Variants in ST7 observed in about 807,000 individuals in gnomAD.
The protein encoded by ST7 is suppressor of tumorigenicity 7 protein.
In ST7, 28 loss-of-function variants were observed where a neutral mutation model predicts 78.7. The ratio of observed to expected loss-of-function variants is 0.36; its 90% CI spans 0.26 to 0.49. ST7 has a LOEUF of 0.49. Among genes scored for constraint, ST7 ranks in the 20% least tolerant of loss-of-function variants. The pLI, the probability that ST7 is intolerant of heterozygous loss-of-function variation, is 0.99. For synonymous variants in ST7, 247 were observed against 249.6 expected, an observed-to-expected ratio of 0.99 and a Z score of 0.10; for missense variants, 418 against 696.0, an observed-to-expected ratio of 0.60 and a Z score of 4.49.
chr7:117,135,593 A>G (rs548209316), intron 7 of ST7, among the ~76,000 whole-genome samples: 1 of 152,114 alleles, frequency 6.6e-6, no homozygotes, highest in Non-Finnish European at 1.5e-5. Context: ...TTTAGTTAAC[A>G]GAAGTAAACC....
intron 1 of ST7, among the ~76,000 whole-genome samples, chr7:116,988,492 A>G (rs1794280194): frequency 2.0e-5 from 3 of 152,186 alleles, no homozygotes; most frequent in African/African-American, 7.2e-5. Context: ...TACAGATTTC[A>G]TAGTCATTTA....
At chr7:117,210,192 A>G (rs1055725970) in intron 13 of ST7, among the ~76,000 whole-genome samples, 1 of 152,172 alleles carries the variant, frequency 6.6e-6, no homozygotes, top group African/African-American at 2.4e-5. Context: ...TGTTCTTCAA[A>G]GGGGCACCTT....
chr7:116,989,149 T>C (rs1221495080), intron 1 of ST7, among the ~76,000 whole-genome samples: 3 of 152,230 alleles, frequency 2.0e-5, no homozygotes, highest in Non-Finnish European at 4.4e-5. Context: ...TCAAAATGTA[T>C]TGAATATAAA....
At chr7:117,151,457 G>A (rs1170827466) in intron 9 of ST7, among the ~76,000 whole-genome samples, 2 of 152,164 alleles carry the variant, frequency 1.3e-5, no homozygotes, top group Non-Finnish European at 2.9e-5. Flanking sequence ...CATTTAGGCT[G>A]AGCTGGAATA....
intron 10 of ST7, among the ~76,000 whole-genome samples, chr7:117,174,117 T>G (rs1808193085): frequency 6.6e-6 from 1 of 152,220 alleles, no homozygotes; most frequent in Non-Finnish European, 1.5e-5. Flanking sequence ...AGTCTGATTT[T>G]GATTTTTGCC....
chr7:116,999,808 CTT>C (rs71148356), intron 1 of ST7, among the ~76,000 whole-genome samples: 6 of 104,440 alleles, frequency 5.7e-5, no homozygotes, highest in Admixed American at 2.4e-4. Flanking sequence ...AATTTTCTTT[CTT>C]TTTTTTTTTT....
At chr7:117,197,545 T>A (rs965164442) in intron 12 of ST7, among the ~76,000 whole-genome samples, 1 of 152,208 alleles carries the variant, frequency 6.6e-6, no homozygotes, top group Non-Finnish European at 1.5e-5. Flanking sequence ...AGCAGACAAC[T>A]CCTTCTTCAC....
intron 12 of ST7, among the ~76,000 whole-genome samples, chr7:117,207,405 G>A (rs1442067226): frequency 6.6e-6 from 1 of 152,044 alleles, no homozygotes; most frequent in Non-Finnish European, 1.5e-5. Context: ...ACCTCCCAAA[G>A]TGCTGAGATT....
intron 1 of ST7, among the ~76,000 whole-genome samples, chr7:117,058,032 A>G (rs1480273006): frequency 6.6e-6 from 1 of 152,186 alleles, no homozygotes; most frequent in South Asian, 2.1e-4. Context: ...ATATGCTATC[A>G]TTAGAAAGCA....
chr7:116,969,070 T>C (rs763037739), intron 1 of ST7, among the ~76,000 whole-genome samples: 1 of 152,250 alleles, frequency 6.6e-6, no homozygotes, highest in Non-Finnish European at 1.5e-5. Context: ...CCACAAGTGT[T>C]CATATTGCTT....
At chr7:117,170,838 A>C (rs1563139536) in intron 9 of ST7, 24 bp from the exon 10 acceptor site, 1 of 1,268,476 alleles carries the variant, frequency 7.9e-7, no homozygotes, top group Non-Finnish European at 1.1e-6. Context: ...TATACTAATT[A>C]TTCCTTGGTT....
At chr7:117,144,186 G>A (rs1227905565) in intron 9 of ST7, 3 of 152,166 alleles carry the variant, frequency 2.0e-5, no homozygotes, top group Admixed American at 1.3e-4. Context: ...GTCCAGATGA[G>A]CAGGAGGCTG....
At chr7:117,060,784 T>C (rs1272392408) in intron 1 of ST7, among the ~76,000 whole-genome samples, 1 of 152,138 alleles carries the variant, frequency 6.6e-6, no homozygotes, top group African/African-American at 2.4e-5. Context: ...GGTGGATGGA[T>C]CACCTGATGT....
intron 12 of ST7, among the ~76,000 whole-genome samples, chr7:117,191,355 A>G (rs1392442078): frequency 6.6e-6 from 1 of 152,242 alleles, no homozygotes; most frequent in Admixed American, 6.5e-5. Flanking sequence ...TAAATGAATG[A>G]TAGTAATCAG....
chr7:117,009,465 C>G (rs1267709338), intron 1 of ST7, among the ~76,000 whole-genome samples: 1 of 151,992 alleles, frequency 6.6e-6, no homozygotes. Flanking sequence ...GTTTGTTGTA[C>G]AAACCTATAG....
intron 10 of ST7, among the ~76,000 whole-genome samples, chr7:117,186,586 A>C (rs1488396280): frequency 6.6e-6 from 1 of 152,234 alleles, no homozygotes; most frequent in Non-Finnish European, 1.5e-5. Context: ...GACTGTGGAC[A>C]ACTGAAACCA....
At chr7:117,213,822 A>C (rs775621178) in intron 13 of ST7, among the ~76,000 whole-genome samples, 10 of 152,238 alleles carry the variant, frequency 6.6e-5, no homozygotes, top group Non-Finnish European at 1.0e-4. Flanking sequence ...TTTCCAGTTC[A>C]TTACATAGCT....
chr7:117,205,389 T>A (rs1034754322), intron 12 of ST7, among the ~76,000 whole-genome samples: 1 of 152,228 alleles, frequency 6.6e-6, no homozygotes, highest in East Asian at 1.9e-4. Context: ...CCTGTTTTTT[T>A]TCACATTTTG....
At chr7:117,029,823 C>T (rs1015202030) in intron 1 of ST7, among the ~76,000 whole-genome samples, 13 of 151,168 alleles carry the variant, frequency 8.6e-5, no homozygotes, top group Non-Finnish European at 1.8e-4. Context: ...ACTGTCATTT[C>T]TCCATGGAAT....
Sources: gnomAD v4.1 joint callset for allele counts (sites outside exome capture counted in the v4.1 genomes callset) on GRCh38, gnomAD v4.1.1 for gene constraint, MANE v1.5 for transcripts, NCBI Gene and HGNC (gene_info 2026-07-23, HGNC 2026-07-21) for gene names.